The following REDIC1 variants were observed in gnomAD, a reference collection of about 807,000 sequenced individuals.
The protein encoded by REDIC1 is HEI10 Interacting Protein 1.
chr12:39,802,294 T>C, the REDIC1 span: 1 of 152,188 alleles, frequency 6.6e-6, no homozygotes, highest in African/African-American at 2.4e-5. Context: ...TTCAGGGATA[T>C]GTGATCTGAA....
the REDIC1 span, among the ~76,000 whole-genome samples, chr12:39,841,583 G>C: frequency 3.9e-5 from 6 of 151,904 alleles, no homozygotes; most frequent in African/African-American, 1.2e-4. Context: ...TGTGTATATA[G>C]GTAAATAAAT....
chr12:39,743,430 CA>C, the REDIC1 span, among the ~76,000 whole-genome samples: 1 of 152,148 alleles, frequency 6.6e-6, no homozygotes, highest in African/African-American at 2.4e-5. Flanking sequence ...TCCTTTAGCC[CA>C]GTACAGTATG....
chr12:39,777,379 T>G, the REDIC1 span, among the ~76,000 whole-genome samples: 2 of 151,952 alleles, frequency 1.3e-5, no homozygotes, highest in East Asian at 3.8e-4. Context: ...ATTAAAATTA[T>G]AGAAATCTAC....
At chr12:39,868,715 C>T in the REDIC1 span, among the ~76,000 whole-genome samples, 1 of 152,098 alleles carries the variant, frequency 6.6e-6, no homozygotes, top group Non-Finnish European at 1.5e-5. Flanking sequence ...TCCAAATCTT[C>T]CAATATTAAA....
At chr12:39,883,222 A>T in the REDIC1 span, among the ~76,000 whole-genome samples, 7 of 152,068 alleles carry the variant, frequency 4.6e-5, no homozygotes, top group East Asian at 1.9e-4. Context: ...AATTTTTTTT[A>T]AAAAAGTCCC....
chr12:39,804,350 A>G, the REDIC1 span, among the ~76,000 whole-genome samples: 1 of 152,230 alleles, frequency 6.6e-6, no homozygotes, highest in Non-Finnish European at 1.5e-5. Flanking sequence ...TAAACACCTG[A>G]TAATATACTT....
the REDIC1 span, among the ~76,000 whole-genome samples, chr12:39,789,383 C>T: frequency 6.6e-6 from 1 of 152,022 alleles, no homozygotes; most frequent in African/African-American, 2.4e-5. Context: ...CCTTTAGCTA[C>T]AGTTTATTTT....
chr12:39,879,505 C>A, the REDIC1 span, among the ~76,000 whole-genome samples: 1 of 152,250 alleles, frequency 6.6e-6, no homozygotes, highest in Non-Finnish European at 1.5e-5. Flanking sequence ...GGATGTGGAA[C>A]ATGCAGTCAG....
At chr12:39,812,996 ATTTTTTTTTTTTTT>A in the REDIC1 span, among the ~76,000 whole-genome samples, 2 of 40,600 alleles carry the variant, frequency 4.9e-5, no homozygotes, top group African/African-American at 9.3e-5. Flanking sequence ...TGCCCAGCTA[ATTTTTTTTTTTTTT>A]TTTTTTTTTT....
At chr12:39,712,917 A>G in the REDIC1 span, among the ~76,000 whole-genome samples, 9 of 147,714 alleles carry the variant, frequency 6.1e-5, no homozygotes, top group Non-Finnish European at 9.1e-5. Flanking sequence ...ACGTATATAC[A>G]TATGTGCATA....
At chr12:39,684,850 G>A in the REDIC1 span, 12 of 1,589,170 alleles carry the variant, frequency 7.6e-6, no homozygotes, top group South Asian at 1.1e-4. Context: ...TTGATACTGT[G>A]TATTTATAAT....
chr12:39,693,721 C>T, the REDIC1 span, among the ~76,000 whole-genome samples: 2 of 151,954 alleles, frequency 1.3e-5, no homozygotes, highest in Admixed American at 1.3e-4. Context: ...GGGCTATTTC[C>T]AGTATATTTT....
At chr12:39,658,722 T>C in the REDIC1 span, among the ~76,000 whole-genome samples, 267 of 152,334 alleles carry the variant, frequency 1.8e-3, 1 homozygote, top group Non-Finnish European at 3.3e-3. Context: ...GTTTATTAGC[T>C]ATAATTCTGT....
chr12:39,715,533 A>G, the REDIC1 span, among the ~76,000 whole-genome samples: 1 of 151,972 alleles, frequency 6.6e-6, no homozygotes. Flanking sequence ...TGCAATTCCC[A>G]TGAAAATACC....
At chr12:39,885,766 T>G in the REDIC1 span, among the ~76,000 whole-genome samples, 1 of 152,178 alleles carries the variant, frequency 6.6e-6, no homozygotes, top group East Asian at 1.9e-4. Context: ...TCTCAAACTT[T>G]AGTTTGAATT....
chr12:39,876,062 C>T, the REDIC1 span, among the ~76,000 whole-genome samples: 3 of 152,192 alleles, frequency 2.0e-5, no homozygotes, highest in Non-Finnish European at 2.9e-5. Context: ...TAATATCTAT[C>T]AGACAAACTA....
chr12:39,789,061 AATG>A, the REDIC1 span, among the ~76,000 whole-genome samples: 1 of 152,168 alleles, frequency 6.6e-6, no homozygotes, highest in African/African-American at 2.4e-5. Context: ...CACTTTAAAG[AATG>A]ATAATAAGAT....
chr12:39,734,490 T>C, the REDIC1 span, among the ~76,000 whole-genome samples: 3 of 152,224 alleles, frequency 2.0e-5, no homozygotes, highest in Non-Finnish European at 4.4e-5. Flanking sequence ...TGCTTTTTCT[T>C]CCTGAAGTTT....
At chr12:39,657,102 T>C in the REDIC1 span, among the ~76,000 whole-genome samples, 1 of 152,314 alleles carries the variant, frequency 6.6e-6, no homozygotes, top group East Asian at 1.9e-4. Flanking sequence ...ACTCACTGAC[T>C]TACCCAAAAC....
Sources: allele counts gnomAD v4.1 joint callset (sites outside exome capture counted in the v4.1 genomes callset), GRCh38; gene constraint gnomAD v4.1.1; transcripts MANE v1.5; gene names NCBI Gene and HGNC (gene_info 2026-07-23, HGNC 2026-07-21).